Variants in LTBP1 observed in about 807,000 individuals in gnomAD.
The protein encoded by LTBP1 is latent transforming growth factor beta binding protein 1.
Under a neutral mutation model 207.6 loss-of-function variants are expected in LTBP1, and 129 were observed. The observed-to-expected ratio is 0.62, with a 90% CI of 0.54 to 0.72. The LOEUF is 0.72. Ranked by LOEUF, LTBP1 falls within the 30% of genes least tolerant of loss-of-function variation. The pLI is 0.00. For synonymous variants in LTBP1, 963 were observed against 833.7 expected, an observed-to-expected ratio of 1.16 and a Z score of -2.67; for missense variants, 2,281 against 2,217.2, an observed-to-expected ratio of 1.03 and a Z score of -0.58.
intron 26 of LTBP1, among the ~76,000 whole-genome samples, chr2:33,357,254 G>T (rs2094874535): frequency 6.6e-6 from 1 of 152,126 alleles, no homozygotes; most frequent in South Asian, 2.1e-4. Flanking sequence ...TGGTATAGGT[G>T]GTGCCTTCAG....
intron 19 of LTBP1, among the ~76,000 whole-genome samples, chr2:33,280,636 A>G (rs538015743): frequency 3.9e-5 from 6 of 152,324 alleles, no homozygotes; most frequent in African/African-American, 1.4e-4. Context: ...CTGCCCCTTA[A>G]TGGTTTTCAT....
chr2:33,056,512 G>C, intron 3 of LTBP1: 2 of 722,096 alleles, frequency 2.8e-6, no homozygotes, highest in Admixed American at 2.9e-5. Context: ...TTGTCCCTTC[G>C]TGGTTGCAAA....
intron 2 of LTBP1, among the ~76,000 whole-genome samples, chr2:33,013,456 A>T (rs969549567): frequency 2.6e-5 from 4 of 151,736 alleles, no homozygotes; most frequent in African/African-American, 9.7e-5. Context: ...TTTATATAAT[A>T]GCATTTTCAG....
intron 5 of LTBP1, among the ~76,000 whole-genome samples, chr2:33,167,783 C>T (rs1000015870): frequency 6.6e-6 from 1 of 152,170 alleles, no homozygotes; most frequent in Non-Finnish European, 1.5e-5. Flanking sequence ...CTAAAAAGAA[C>T]ATGATGACAG....
chr2:33,137,322 A>G (rs2082222753), intron 5 of LTBP1, among the ~76,000 whole-genome samples: 1 of 152,226 alleles, frequency 6.6e-6, no homozygotes. Flanking sequence ...AATTTGGGAA[A>G]AATTCAAAAT....
intron 4 of LTBP1, among the ~76,000 whole-genome samples, chr2:33,133,146 C>T (rs2081921516): frequency 6.6e-6 from 1 of 152,180 alleles, no homozygotes; most frequent in South Asian, 2.1e-4. Flanking sequence ...GGCCCCATTC[C>T]AACCCTGAAA....
chr2:33,007,044 T>C lies in LTBP1; in HGVS notation c.566-13865T>C, dbSNP rs999132265. ...TGCGAATGTTTGTGTTCTACGATGA[T>C]ACTTGGGCATCAGTGACATTTGAAA... is the stretch of plus-strand genomic sequence containing the variant. On this transcript the variant is annotated intron_variant, in intron 2 of 33. Transcript: ENST00000404816. 3.9e-5 allele frequency among the ~76,000 whole-genome samples: 6 copies of C among 152,328 alleles called. 1 individual carries two copies. Among genetic ancestry groups the C allele is most frequent in the South Asian group, 2.1e-4 (1 of 4,826 alleles).
At chr2:33,049,898 G>A (rs532274541) in intron 3 of LTBP1, among the ~76,000 whole-genome samples, 8 of 151,772 alleles carry the variant, frequency 5.3e-5, no homozygotes, top group African/African-American at 1.7e-4. Context: ...CTGGAGTGCA[G>A]TGGTGTGATC....
intron 2 of LTBP1, among the ~76,000 whole-genome samples, chr2:32,995,551 G>C (rs1242392855): frequency 6.6e-6 from 1 of 152,214 alleles, no homozygotes; most frequent in African/African-American, 2.4e-5. Flanking sequence ...GGAGGCCGAG[G>C]CAGGCGGATC....
At chr2:33,225,817 A>C (rs1464069182) in intron 9 of LTBP1, among the ~76,000 whole-genome samples, 2 of 152,056 alleles carry the variant, frequency 1.3e-5, no homozygotes, top group South Asian at 4.2e-4. Flanking sequence ...TCCACTTATG[A>C]GTGAGAGTAT....
At chr2:33,029,719 G>C (rs1453342458) in intron 3 of LTBP1, among the ~76,000 whole-genome samples, 1 of 152,176 alleles carries the variant, frequency 6.6e-6, no homozygotes, top group East Asian at 1.9e-4. Context: ...TTACATGTCA[G>C]TGTCTGACTC....
intron 2 of LTBP1, among the ~76,000 whole-genome samples, chr2:32,996,059 A>G (rs1685219674): frequency 6.6e-6 from 1 of 152,234 alleles, no homozygotes; most frequent in South Asian, 2.1e-4. Flanking sequence ...ATAGTTACCA[A>G]GAACATCTTT....
chr2:32,962,336 G>C (rs1337259067), intron 2 of LTBP1, among the ~76,000 whole-genome samples: 1 of 152,168 alleles, frequency 6.6e-6, no homozygotes, highest in Non-Finnish European at 1.5e-5. Flanking sequence ...CTTTTATTTT[G>C]AGATAGTGAA....
chr2:33,290,644 A>G lies in LTBP1; in HGVS notation c.3113-2516A>G, dbSNP rs17012759. 7.7e-3 allele frequency among the ~76,000 whole-genome samples: 1,167 copies of G among 152,334 alleles called. 10 individuals carry two copies. Among genetic ancestry groups the G allele is most frequent in the African/African-American group, 0.025 (1,041 of 41,574 alleles). ...AAGTAGGTGATTTGAGAGATATTTG[A>G]AGGGCAGATTGGTATGCCTGGGCAA... On this transcript the variant is annotated intron_variant, in intron 19 of 33. Transcript: ENST00000404816.
chr2:33,073,374 G>A (rs1016661861), intron 3 of LTBP1, among the ~76,000 whole-genome samples: 1 of 150,892 alleles, frequency 6.6e-6, no homozygotes, highest in African/African-American at 2.4e-5. Context: ...ATCCAGAAAT[G>A]ACCAGAGGAA....
intron 3 of LTBP1, among the ~76,000 whole-genome samples, chr2:33,102,354 A>G (rs111421502): frequency 7.2e-4 from 109 of 152,284 alleles, no homozygotes; most frequent in African/African-American, 2.2e-3. Flanking sequence ...CCAGGCTGCC[A>G]TCTCCAAGTC....
At chr2:33,262,634 A>G in intron 13 of LTBP1, 88 bp from the exon 14 acceptor site, 1 of 579,362 alleles carries the variant, frequency 1.7e-6, no homozygotes, top group Non-Finnish European at 3.0e-6. Context: ...TTAATTACAT[A>G]AAAATAGTAA....
chr2:33,224,491 C>G (rs551456630), intron 9 of LTBP1, among the ~76,000 whole-genome samples: 26 of 152,142 alleles, frequency 1.7e-4, no homozygotes, highest in Non-Finnish European at 3.1e-4. Context: ...CTTACTCTCT[C>G]TTAGATAGTT....
At chr2:32,990,406 T>A (rs902754437) in intron 2 of LTBP1, among the ~76,000 whole-genome samples, 2 of 152,210 alleles carry the variant, frequency 1.3e-5, no homozygotes, top group African/African-American at 4.8e-5. Flanking sequence ...AATGTAATGT[T>A]AGTTGCATTA....
Sources: allele counts gnomAD v4.1 joint callset (sites outside exome capture counted in the v4.1 genomes callset), GRCh38; gene constraint gnomAD v4.1.1; transcripts MANE v1.5; gene names NCBI Gene and HGNC (gene_info 2026-07-23, HGNC 2026-07-21).